The following OTOGL variants were observed in gnomAD, a reference collection of about 807,000 sequenced individuals.
The protein encoded by OTOGL is otogelin like.
In OTOGL, 285 loss-of-function variants were observed where a neutral mutation model predicts 318.5. The ratio of observed to expected loss-of-function variants is 0.89; its 90% CI spans 0.81 to 0.99. The LOEUF (loss-of-function observed/expected upper bound fraction) is 0.99. Among genes scored for constraint, OTOGL ranks in the 50% least tolerant of loss-of-function variants. The probability of loss-of-function intolerance (pLI) is 0.00; values close to 1 mark genes in which losing one functional copy is unlikely to be tolerated. For missense variants in OTOGL, 2,899 were observed against 2,845.6 expected, an observed-to-expected ratio of 1.02 and a Z score of -0.43; for synonymous variants, 987 against 936.5, an observed-to-expected ratio of 1.05 and a Z score of -0.99.
intron 1 of OTOGL, among the ~76,000 whole-genome samples, chr12:80,184,128 C>T (rs1875122148): frequency 6.6e-6 from 1 of 152,142 alleles, no homozygotes; most frequent in Non-Finnish European, 1.5e-5. Flanking sequence ...TAGCATGTGG[C>T]CTTGCATTTC....
chr12:80,341,285 T>A (rs1327182104), intron 43 of OTOGL, among the ~76,000 whole-genome samples: 2 of 152,166 alleles, frequency 1.3e-5, no homozygotes, highest in Admixed American at 1.3e-4. Context: ...GGAAATTGCC[T>A]GTGTCCTAGA....
chr12:80,212,535 G>A (rs936992367), intron 4 of OTOGL, among the ~76,000 whole-genome samples: 6 of 152,078 alleles, frequency 3.9e-5, no homozygotes, highest in African/African-American at 1.4e-4. Context: ...AGACCTTCTT[G>A]CCCGGGTGCC....
At chr12:80,209,541 T>C (rs1877080518) in intron 2 of OTOGL, 31 bp downstream of exon 2, 3 of 1,356,682 alleles carry the variant, frequency 2.2e-6, no homozygotes, top group African/African-American at 1.5e-5. Flanking sequence ...TTTATGTTAA[T>C]TTATTGTATT....
At chr12:80,303,231 C>CT (rs1370885934) in intron 28 of OTOGL, among the ~76,000 whole-genome samples, 1 of 152,162 alleles carries the variant, frequency 6.6e-6, no homozygotes, top group Non-Finnish European at 1.5e-5. Flanking sequence ...TCTCAGCTCA[C>CT]TGCAAGCTCC....
chr12:80,287,811 T>C (rs1884749067), intron 26 of OTOGL, among the ~76,000 whole-genome samples: 1 of 152,200 alleles, frequency 6.6e-6, no homozygotes, highest in Non-Finnish European at 1.5e-5. Flanking sequence ...GAGATGGGTC[T>C]CCTGAATATA....
At chr12:80,357,803 G>T (rs956650803) in intron 49 of OTOGL, among the ~76,000 whole-genome samples, 2 of 152,252 alleles carry the variant, frequency 1.3e-5, no homozygotes, top group Non-Finnish European at 2.9e-5. Flanking sequence ...CACTCAAAAA[G>T]GTGTGGGTGG....
Position 80,249,401 on chromosome 12 carries a change from A to C in OTOGL, c.1053-2292A>C, listed in dbSNP as rs201742053. On this transcript the variant is annotated intron_variant, in intron 11 of 58. Transcript: ENST00000547103. ...TTCTAACAGACAGGACCCTCAGCTG[A>C]AGGTCTGTTGGAATACCCTGCCGTG... Among the ~76,000 whole-genome samples, 1,444 of 147,956 alleles carry C rather than the reference A, an allele frequency of 9.8e-3. 22 individuals are homozygous for C. Among genetic ancestry groups the C allele is most frequent in the African/African-American group, 0.028 (1,044 of 37,618 alleles).
intron 27 of OTOGL, among the ~76,000 whole-genome samples, chr12:80,298,859 A>G (rs551812509): frequency 1.3e-5 from 2 of 152,308 alleles, no homozygotes; most frequent in South Asian, 4.1e-4. Context: ...GAGGCTCTTG[A>G]ATGGTACAAG....
At chr12:80,169,406 T>C (rs117179508) in intron 1 of OTOGL, among the ~76,000 whole-genome samples, 1,789 of 152,294 alleles carry the variant, frequency 0.012, 18 homozygotes, top group Middle Eastern at 0.037. Context: ...ATTTGAACTT[T>C]GGGATTGATT....
intron 17 of OTOGL, 29 bp downstream of exon 17, chr12:80,256,489 C>CTT: frequency 6.6e-7 from 1 of 1,510,404 alleles, no homozygotes; most frequent in Non-Finnish European, 8.8e-7. Flanking sequence ...GGTGTACTTT[C>CTT]TTTACATCAA....
chr12:80,322,885 T>C (rs2137843352), intron 34 of OTOGL, among the ~76,000 whole-genome samples: 1 of 152,346 alleles, frequency 6.6e-6, no homozygotes, highest in East Asian at 1.9e-4. Flanking sequence ...TCATGAAATG[T>C]ATTTGGTCTT....
chr12:80,246,073 G>A (rs1232280458), intron 11 of OTOGL, among the ~76,000 whole-genome samples: 1 of 151,542 alleles, frequency 6.6e-6, no homozygotes, highest in Non-Finnish European at 1.5e-5. Context: ...CTGAGACAAT[G>A]GGGTTTTCTA....
intron 1 of OTOGL, among the ~76,000 whole-genome samples, chr12:80,103,945 CA>C (rs1241084850): frequency 9.9e-5 from 15 of 152,024 alleles, no homozygotes; most frequent in Non-Finnish European, 1.9e-4. Context: ...CTTTTGTGGC[CA>C]GGGGTCAAAA....
intron 2 of OTOGL, among the ~76,000 whole-genome samples, chr12:80,210,329 G>A (rs776293488): frequency 2.6e-5 from 4 of 152,112 alleles, no homozygotes; most frequent in Non-Finnish European, 5.9e-5. Flanking sequence ...TTTAATCCCT[G>A]TAAAGGTCTG....
chr12:80,290,370 T>A (rs1161996161), intron 26 of OTOGL, among the ~76,000 whole-genome samples: 4 of 152,128 alleles, frequency 2.6e-5, no homozygotes, highest in Admixed American at 1.3e-4. Context: ...TTCTGCCTTT[T>A]CAATAAGCTA....
intron 1 of OTOGL, among the ~76,000 whole-genome samples, chr12:80,148,096 A>G (rs1219161760): frequency 6.6e-6 from 1 of 151,260 alleles, no homozygotes; most frequent in African/African-American, 2.4e-5. Flanking sequence ...TCCTGTCATG[A>G]TGATGTTAGC....
chr12:80,131,456 C>T (rs1014193426), intron 1 of OTOGL, among the ~76,000 whole-genome samples: 1 of 152,150 alleles, frequency 6.6e-6, no homozygotes, highest in Non-Finnish European at 1.5e-5. Flanking sequence ...CCAAAAAGGA[C>T]TTTGCACACA....
intron 46 of OTOGL, among the ~76,000 whole-genome samples, chr12:80,355,062 AT>A (rs1252779025): frequency 9.2e-5 from 14 of 152,172 alleles, no homozygotes; most frequent in Middle Eastern, 3.4e-3. Context: ...ATTTAAATTT[AT>A]ATTATTGAAT....
At chr12:80,357,633 C>T (rs775078957) in intron 49 of OTOGL, among the ~76,000 whole-genome samples, 1 of 152,114 alleles carries the variant, frequency 6.6e-6, no homozygotes, top group African/African-American at 2.4e-5. Context: ...GAGAAACCAG[C>T]TGTTCTAGGT....
Sources: gnomAD v4.1 joint callset for allele counts (sites outside exome capture counted in the v4.1 genomes callset) on GRCh38, gnomAD v4.1.1 for gene constraint, MANE v1.5 for transcripts, NCBI Gene and HGNC (gene_info 2026-07-23, HGNC 2026-07-21) for gene names.